The following MGAT4C variants were observed in gnomAD, a reference collection of about 807,000 sequenced individuals.
MGAT4C encodes the protein MGAT4 family member C.
Under a neutral mutation model 40.1 loss-of-function variants are expected in MGAT4C, and 19 were observed. That is an observed-to-expected ratio of 0.47 (90% CI 0.33 to 0.70). The LOEUF (loss-of-function observed/expected upper bound fraction) is 0.70. Ranked by LOEUF, MGAT4C falls within the 30% of genes least tolerant of loss-of-function variation. The pLI, the probability that MGAT4C is intolerant of heterozygous loss-of-function variation, is 0.02. For missense variants in MGAT4C, 491 were observed against 563.2 expected (o/e 0.87, Z 1.30); for synonymous variants, 181 against 187.1 (o/e 0.97, Z 0.27).
rs186292330 is a variant in MGAT4C at position 86,277,666 on chromosome 12, T to C, written c.-57+56399A>G. Among the ~76,000 whole-genome samples the C allele has an allele frequency of 1.5e-4, 23 of 152,310 alleles. 1 individual carries two copies. The highest frequency in any genetic ancestry group is 5.1e-4 in the African/African-American group (21 of 41,578). On this transcript the variant is annotated intron_variant, in intron 4 of 7. Transcript: ENST00000548651. Reference sequence around the variant, plus strand: ...ATTTAAGAGACTGTCCTTTACCCAATTGTGTTCTTGGCACCTTTGTTGAAA... The same window carrying C: ...ATTTAAGAGACTGTCCTTTACCCAACTGTGTTCTTGGCACCTTTGTTGAAA...
chr12:86,543,947 T>C (rs934794177), intron 2 of MGAT4C, among the ~76,000 whole-genome samples: 6 of 152,128 alleles, frequency 3.9e-5, no homozygotes, highest in African/African-American at 7.2e-5. Context: ...CCACATGTTA[T>C]TTTCTACATG....
At chr12:86,717,834 A>G (rs947137246) in intron 2 of MGAT4C, among the ~76,000 whole-genome samples, 2 of 152,294 alleles carry the variant, frequency 1.3e-5, no homozygotes, top group African/African-American at 2.4e-5. Context: ...CTAATTCTAG[A>G]ACGTTCTTGT....
intron 1 of MGAT4C, among the ~76,000 whole-genome samples, chr12:86,112,233 G>C (rs2135646825): frequency 6.6e-6 from 1 of 151,860 alleles, no homozygotes; most frequent in African/African-American, 2.4e-5. Flanking sequence ...CACCTTTAGA[G>C]GGTGGATGAC....
At position 86,431,104 on chromosome 12, in the gene MGAT4C, G is replaced by T. The variant is rs530805680; in HGVS notation, c.-120+4053C>A. Among the ~76,000 whole-genome samples, 3 of 152,306 alleles carry T rather than the reference G, an allele frequency of 2.0e-5. No homozygotes were observed. In the South Asian group the frequency reaches 6.2e-4, roughly 32 times the overall value. On this transcript the variant is annotated intron_variant, in intron 3 of 7. Transcript: ENST00000548651. ...TGTTGGGGTGGGTCCCTGAGGCAGG[G>T]TGAGTTAAAAGCATATAGGGACTCA...
intron 2 of MGAT4C, among the ~76,000 whole-genome samples, chr12:86,701,063 T>C (rs1002604549): frequency 3.9e-5 from 6 of 152,166 alleles, no homozygotes; most frequent in African/African-American, 1.4e-4. Context: ...AATAGAAACC[T>C]AGCCTTGCCA....
intron 2 of MGAT4C, among the ~76,000 whole-genome samples, chr12:86,537,371 C>CAA (rs372788138): frequency 0.029 from 4,116 of 143,114 alleles, 152 homozygotes; most frequent in African/African-American, 0.09. Context: ...TAAAGTATAA[C>CAA]AAAAAAAAAA....
At chr12:86,240,599 TTA>T (rs1466117377) in intron 1 of MGAT4C, among the ~76,000 whole-genome samples, 7 of 152,246 alleles carry the variant, frequency 4.6e-5, no homozygotes, top group Non-Finnish European at 8.8e-5. Flanking sequence ...TATGAATATT[TTA>T]TGTTATTGTT....
chr12:86,240,034 A>T (rs1383218788), intron 1 of MGAT4C, among the ~76,000 whole-genome samples: 1,143 of 34,634 alleles, frequency 0.033, 19 homozygotes, highest in African/African-American at 0.054. Context: ...AATAAAAAAA[A>T]AAAATAAAAA....
At chr12:86,145,268 T>C (rs552549954) in intron 1 of MGAT4C, among the ~76,000 whole-genome samples, 2 of 152,160 alleles carry the variant, frequency 1.3e-5, no homozygotes, top group African/African-American at 2.4e-5. Flanking sequence ...TCTTTTTTTT[T>C]GGCTTAGGAG....
At chr12:86,232,886 G>A (rs1951386276) in intron 1 of MGAT4C, among the ~76,000 whole-genome samples, 1 of 152,142 alleles carries the variant, frequency 6.6e-6, no homozygotes, top group African/African-American at 2.4e-5. Flanking sequence ...CCTATATCTG[G>A]AGTCTGTGAA....
intron 2 of MGAT4C, among the ~76,000 whole-genome samples, chr12:86,517,588 T>C (rs985877325): frequency 1.3e-5 from 2 of 152,122 alleles, no homozygotes; most frequent in Admixed American, 1.3e-4. Context: ...GGTTCCAAAA[T>C]AGGTTTTGAG....
chr12:86,011,060 C>A (rs1466231489), intron 2 of MGAT4C, among the ~76,000 whole-genome samples: 1 of 152,078 alleles, frequency 6.6e-6, no homozygotes, highest in African/African-American at 2.4e-5. Flanking sequence ...TATAAATTAC[C>A]CAGTCTCTGT....
At position 86,095,512 on chromosome 12, in the gene MGAT4C, C is replaced by T. The variant is rs192184000; in HGVS notation, c.-56-45789G>A. Among the ~76,000 whole-genome samples, 5 of 151,972 alleles carry T rather than the reference C, an allele frequency of 3.3e-5. No individual in the cohort carries two copies. The East Asian group carries it at 5.8e-4, about 18-fold the overall frequency. On this transcript the variant is annotated intron_variant, in intron 1 of 4. Transcript: ENST00000611864. ...TTTTATTAGCAACTACTTTAAAATGCTTAAATGAGTTTTTAATGCATTATT... is the reference window on the plus strand; with the variant it reads ...TTTTATTAGCAACTACTTTAAAATGTTTAAATGAGTTTTTAATGCATTATT...
chr12:86,723,918 G>T (rs780078307), intron 2 of MGAT4C, among the ~76,000 whole-genome samples: 48 of 152,168 alleles, frequency 3.2e-4, no homozygotes, highest in Admixed American at 1.4e-3. Flanking sequence ...GTTTCTCTCT[G>T]AAAAGATTTC....
At chr12:86,796,143 GTT>G (rs34706902) in intron 1 of MGAT4C, among the ~76,000 whole-genome samples, 1 of 143,450 alleles carries the variant, frequency 7.0e-6, no homozygotes, top group Non-Finnish European at 1.5e-5. Flanking sequence ...TCTGTGACTT[GTT>G]TTTTTTTTTT....
At chr12:86,265,278 A>C (rs913881774) in intron 4 of MGAT4C, among the ~76,000 whole-genome samples, 33 of 152,242 alleles carry the variant, frequency 2.2e-4, no homozygotes, top group Non-Finnish European at 3.2e-4. Context: ...CGAGCCCAGC[A>C]GGCCCGAGCA....
chr12:86,384,305 C>T (rs960562330), intron 3 of MGAT4C, among the ~76,000 whole-genome samples: 21 of 152,120 alleles, frequency 1.4e-4, no homozygotes, highest in African/African-American at 5.1e-4. Context: ...AATATTTCTA[C>T]CTAAGATGAG....
intron 2 of MGAT4C, among the ~76,000 whole-genome samples, chr12:86,627,716 T>C (rs980626757): frequency 5.9e-5 from 9 of 151,930 alleles, no homozygotes; most frequent in Admixed American, 4.6e-4. Flanking sequence ...AAAAGGACAT[T>C]CACACCAAAA....
chr12:86,755,552 C>A (rs1469468695), intron 1 of MGAT4C, among the ~76,000 whole-genome samples: 1 of 151,816 alleles, frequency 6.6e-6, no homozygotes, highest in African/African-American at 2.4e-5. Context: ...TTTTTCTTTT[C>A]TTTTCTCTTT....
Sources: gnomAD v4.1 joint callset for allele counts (sites outside exome capture counted in the v4.1 genomes callset) on GRCh38, gnomAD v4.1.1 for gene constraint, MANE v1.5 for transcripts, NCBI Gene and HGNC (gene_info 2026-07-23, HGNC 2026-07-21) for gene names.